Variants in DLEC1 observed in about 807,000 individuals in gnomAD.
DLEC1 encodes the protein DLEC1 cilia and flagella associated protein, also known as deleted in lung and esophageal cancer protein 1.
In DLEC1, 146 loss-of-function variants were observed where a neutral mutation model predicts 198.1. The ratio of observed to expected loss-of-function variants is 0.74; its 90% CI spans 0.64 to 0.85. The LOEUF is 0.85. DLEC1 is among the 40% of genes least tolerant of loss of function. DLEC1 has a pLI of 0.00. For missense variants in DLEC1, 2,233 were observed against 2,220.0 expected, an observed-to-expected ratio of 1.01 and a Z score of -0.12; for synonymous variants, 897 against 866.8, an observed-to-expected ratio of 1.03 and a Z score of -0.61.
At chr3:38,051,144 G>A (rs1701097211) in intron 2 of DLEC1, among the ~76,000 whole-genome samples, 1 of 152,066 alleles carries the variant, frequency 6.6e-6, no homozygotes, top group Non-Finnish European at 1.5e-5. Flanking sequence ...CAAGCAATCC[G>A]CCCACCTCAG....
chr3:38,122,849 G>A lies in DLEC1; in HGVS notation c.*437G>A. The A allele has an allele frequency of 1.3e-6, 1 of 797,460 alleles. No individual in the cohort carries two copies. The highest frequency in any genetic ancestry group is 1.9e-6 in the Non-Finnish European group (1 of 518,244). 49.4% of individuals were successfully genotyped at this position (797,460 alleles called of 1,614,324 possible). On this transcript the variant is annotated 3_prime_UTR_variant, in exon 37 of 37. Transcript: ENST00000308059. ...TTGCACAGCTAAAGAGGGTCTGATG[G>A]GTGGCTCAACACCCCACCCACTCCT...
At chr3:38,060,307 G>A (rs112063733) in intron 3 of DLEC1, among the ~76,000 whole-genome samples, 1,961 of 152,336 alleles carry the variant, frequency 0.013, 38 homozygotes, top group African/African-American at 0.043. Context: ...ACATGTATGT[G>A]ACATTGGGCC....
chr3:38,114,548 A>G (rs1283953186), intron 26 of DLEC1, 88 bp downstream of exon 26: 5 of 1,350,722 alleles, frequency 3.7e-6, no homozygotes, highest in Non-Finnish European at 4.2e-6. Flanking sequence ...TTGGCTTGTT[A>G]TTCTCCAGCT....
intron 6 of DLEC1, among the ~76,000 whole-genome samples, chr3:38,081,971 C>T (rs1345315380): frequency 4.4e-3 from 544 of 124,594 alleles, no homozygotes; most frequent in African/African-American, 0.015. Flanking sequence ...GGGTGGCTGC[C>T]GGGCGGAGAG....
At chr3:38,106,581 C>A (rs1417078970) in intron 19 of DLEC1, among the ~76,000 whole-genome samples, 1 of 151,916 alleles carries the variant, frequency 6.6e-6, no homozygotes, top group Non-Finnish European at 1.5e-5. Flanking sequence ...CACACTGAAA[C>A]CTCATCTCTA....
Position 38,123,757 on chromosome 3 carries a change from C to T in DLEC1, c.*1345C>T, listed in dbSNP as rs990936541. ...GTGGCTCAAACCTGTAATCCCAACA[C>T]TTTGGGAGGCCGAGGCGGGAGGATC... is the stretch of plus-strand genomic sequence containing the variant. On this transcript the variant is annotated 3_prime_UTR_variant, in exon 37 of 37. Transcript: ENST00000308059. The T allele has an allele frequency of 6.6e-6, 1 of 152,186 alleles. No homozygotes were observed. The highest frequency in any genetic ancestry group is 2.4e-5 in the African/African-American group (1 of 41,416). The allele number at this position is 152,186 out of a possible 1,614,324, so 9.4% of individuals were successfully genotyped here. A position where few individuals can be genotyped will look rare whatever the true frequency, so the allele number is the denominator to read the frequency against.
At position 38,062,720 on chromosome 3, in the gene DLEC1, G is replaced by T; in HGVS notation, c.1013G>T (p.Arg338Leu). ...KNPRFFPPNT[R>L]YGGKSLVFPP... ...CCCCGTTTTTTTCCTCCTAACACTC[G>T]ATATGGAGGCAAGTCTCTTGTTTTT... The change falls in exon 5 of 37, where the codon CGA becomes CTA. Residue 338 changes from arginine (R) to leucine (L), a missense_variant. Arg to Leu is a moderately radical substitution (Grantham distance 102). Transcript: ENST00000308059. 6.2e-7 allele frequency: 1 copy of T among 1,614,014 alleles called. No individual in the cohort carries two copies. The highest frequency in any genetic ancestry group is 8.5e-7 in the Non-Finnish European group (1 of 1,180,004).
In DLEC1 at chr3:38,092,775, C is replaced by T. The variant is rs758097132; in HGVS notation, c.1666-15C>T. 1 of 1,613,264 alleles carries T rather than the reference C, an allele frequency of 6.2e-7. No homozygotes were observed. The highest frequency in any genetic ancestry group is 2.2e-5 in the East Asian group (1 of 44,866). ...CTTTAATGGGAGGTAACGGAACAAC[C>T]CTTCTCTCCCCCAGGTCTTGTTTTC... On this transcript the variant is annotated splice_polypyrimidine_tract_variant and intron_variant, in intron 10 of 36. Coordinates refer to ENST00000308059, the MANE Select transcript of DLEC1 (RefSeq NM_007335.4).
chr3:38,039,875 A>G (rs1295087434), intron 1 of DLEC1, among the ~76,000 whole-genome samples: 3 of 152,214 alleles, frequency 2.0e-5, no homozygotes, highest in Non-Finnish European at 4.4e-5. Context: ...ACCTGTCTAT[A>G]TTTCTCTAGA....
Position 38,100,425 on chromosome 3 carries a change from G to C in DLEC1, c.2864G>C (p.Ser955Thr), listed in dbSNP as rs1394442888. 3 of 1,610,820 alleles carry C rather than the reference G, an allele frequency of 1.9e-6. No individual in the cohort carries two copies. The change falls in exon 19 of 37, where the codon AGC becomes ACC. Residue 955 changes from serine (S) to threonine (T), a missense_variant and splice_region_variant. Physicochemically the swap from Ser to Thr is moderately conservative, Grantham distance 58. Transcript: ENST00000308059. ...CTGGAGGTGGAAAATGGTGCCTGGA[G>C]GTAAGGGTGCCGTGGGAAGAGCCAC... Reference protein sequence around the residue: ...LELEVENGAWSYLPVYAEVQK... With the variant: ...LELEVENGAWTYLPVYAEVQK...
At chr3:38,121,517 T>G in intron 34 of DLEC1, 111 bp from the exon 35 acceptor site, 1 of 1,400,148 alleles carries the variant, frequency 7.1e-7, no homozygotes, top group East Asian at 2.3e-5. Flanking sequence ...TCTGGGAGCT[T>G]CCCGTTTTCT....
chr3:38,083,417 T>G (rs889148037), intron 6 of DLEC1, among the ~76,000 whole-genome samples: 1 of 152,050 alleles, frequency 6.6e-6, no homozygotes, highest in Admixed American at 6.5e-5. Context: ...GAGCCAGGAT[T>G]GGCCAGGAAA....
intron 20 of DLEC1, among the ~76,000 whole-genome samples, chr3:38,107,970 G>T (rs1479364051): frequency 6.6e-6 from 1 of 152,222 alleles, no homozygotes; most frequent in African/African-American, 2.4e-5. Flanking sequence ...CCAAGAAGGA[G>T]TTTCTGGTGA....
rs986052466 is a variant in DLEC1, at chr3:38,084,360, G to A, written c.1261+115G>A. The A allele has an allele frequency of 1.0e-5, 9 of 866,010 alleles. No homozygotes were observed. In the African/African-American group the frequency reaches 1.2e-4, roughly 12 times the overall value. 53.6% of individuals were successfully genotyped at this position (866,010 alleles called of 1,614,324 possible). A position where few individuals can be genotyped will look rare whatever the true frequency, so the allele number is the denominator to read the frequency against. On this transcript the variant is annotated intron_variant, in intron 7 of 36. Coordinates refer to ENST00000308059, the MANE Select transcript of DLEC1 (RefSeq NM_007335.4). ...AGCAATGATAGTAGTAGTGGTGGTG[G>A]TAGTAGTAGTAGTGATGGTGGTAGT...
intron 6 of DLEC1, among the ~76,000 whole-genome samples, chr3:38,082,880 G>C (rs939003130): frequency 3.9e-5 from 6 of 152,184 alleles, no homozygotes; most frequent in African/African-American, 1.4e-4. Context: ...TGATCAGAGA[G>C]GTGTCCCTGC....
rs377344064 is a variant in DLEC1, at chr3:38,109,524, A to G, written c.3222A>G (p.Gln1074=). The G allele has an allele frequency of 1.2e-6, 2 of 1,614,226 alleles. No individual in the cohort carries two copies. The highest frequency in any genetic ancestry group is 2.2e-5 in the South Asian group (2 of 91,084). The part of the protein sequence containing the change: ...LGISGKPQGL[Q]VAITISKESS... ...TTTCTGGGAAGCCCCAGGGACTGCA[A>G]GTGGCCATTACCATCTCTAAGGAGA... is the stretch of plus-strand genomic sequence containing the variant. Residue 1074 remains glutamine, a synonymous_variant, in exon 22 of 37, where the codon CAA becomes CAG. Coordinates refer to ENST00000308059, the MANE Select transcript of DLEC1 (RefSeq NM_007335.4).
At chr3:38,042,431 T>C (rs1204460271) in intron 1 of DLEC1, among the ~76,000 whole-genome samples, 2 of 152,208 alleles carry the variant, frequency 1.3e-5, no homozygotes, top group Admixed American at 1.3e-4. Context: ...ATTTAACTTT[T>C]TCTTTGCACA....
At chr3:38,099,279 G>C (rs1467575971) in intron 18 of DLEC1, among the ~76,000 whole-genome samples, 1 of 152,156 alleles carries the variant, frequency 6.6e-6, no homozygotes, top group African/African-American at 2.4e-5. Context: ...GAGACTGGAA[G>C]GGGCAGGGCT....
intron 7 of DLEC1, 52 bp from the exon 8 acceptor site, chr3:38,085,222 C>CA: frequency 4.4e-6 from 7 of 1,605,246 alleles, no homozygotes; most frequent in Non-Finnish European, 6.0e-6. Context: ...AGCTCAAGCC[C>CA]TGGTGGCTGG....
Sources: allele counts gnomAD v4.1 joint callset (sites outside exome capture counted in the v4.1 genomes callset), GRCh38; gene constraint gnomAD v4.1.1; transcripts MANE v1.5; gene names NCBI Gene and HGNC (gene_info 2026-07-23, HGNC 2026-07-21).